Variants in GSE1 observed in about 807,000 individuals in gnomAD.
GSE1 encodes the protein Gse1 coiled-coil protein, also known as genetic suppressor element 1.
In GSE1, 32 loss-of-function variants were observed where a neutral mutation model predicts 112.6. That is an observed-to-expected ratio of 0.28 (90% CI 0.21 to 0.38). The LOEUF (loss-of-function observed/expected upper bound fraction) is 0.38, where lower values mean the gene tolerates loss of function less well. Ranked by LOEUF, GSE1 falls within the 10% of genes least tolerant of loss-of-function variation. The probability of loss-of-function intolerance (pLI) is 1.00; values close to 1 mark genes in which losing one functional copy is unlikely to be tolerated. For synonymous variants in GSE1, 1,115 were observed against 735.6 expected (o/e 1.52, Z -8.35); for missense variants, 2,348 against 1,699.2 (o/e 1.38, Z -6.71).
At chr16:85,446,333 A>G (rs980314060) in intron 2 of GSE1, among the ~76,000 whole-genome samples, 1 of 152,152 alleles carries the variant, frequency 6.6e-6, no homozygotes, top group African/African-American at 2.4e-5. Context: ...GGTAGCTGCA[A>G]TGCTCTCTGC....
chr16:85,428,754 C>T (rs2049050154), intron 2 of GSE1, among the ~76,000 whole-genome samples: 1 of 152,176 alleles, frequency 6.6e-6, no homozygotes, highest in Non-Finnish European at 1.5e-5. Context: ...ACCTCCCACC[C>T]CCCATTCTAG....
chr16:85,257,672 G>A (rs1440179445), intron 1 of GSE1, among the ~76,000 whole-genome samples: 4 of 152,176 alleles, frequency 2.6e-5, no homozygotes, highest in Non-Finnish European at 5.9e-5. Context: ...TTGGCAGGAC[G>A]TGGTGGTGCG....
chr16:85,287,821 G>A (rs527591629), intron 1 of GSE1, among the ~76,000 whole-genome samples: 1 of 152,276 alleles, frequency 6.6e-6, no homozygotes, highest in South Asian at 2.1e-4. Context: ...GAAGCCTAAA[G>A]GAGCCGCAGG....
intron 1 of GSE1, among the ~76,000 whole-genome samples, chr16:85,618,554 C>T (rs772123399): frequency 2.0e-5 from 3 of 152,230 alleles, no homozygotes; most frequent in Non-Finnish European, 4.4e-5. Context: ...ATAGGAATGA[C>T]AATGTCACCT....
chr16:85,267,451 G>T (rs1597236839), intron 1 of GSE1, among the ~76,000 whole-genome samples: 1 of 152,136 alleles, frequency 6.6e-6, no homozygotes, highest in African/African-American at 2.4e-5. Context: ...GGAAAGGAGG[G>T]CAGTGACCGT....
rs572035467 is a variant in GSE1 at position 85,672,793 on chromosome 16, C to T, written c.*254C>T. 71 of 293,898 alleles carry T rather than the reference C, an allele frequency of 2.4e-4. No homozygotes were observed. Among genetic ancestry groups the T allele is most frequent in the African/African-American group, 1.3e-3 (59 of 46,344 alleles). The allele number at this position is 293,898 out of a possible 1,614,324, so 18.2% of individuals were successfully genotyped here. ...AGTTTTTCTTTTTAAAGGTGGTTTT[C>T]GCCCTTCCTCTCCCACATTATTTCT... is the stretch of plus-strand genomic sequence containing the variant. On this transcript the variant is annotated 3_prime_UTR_variant, in exon 16 of 16. Coordinates refer to ENST00000253458, the MANE Select transcript of GSE1 (RefSeq NM_014615.5).
At position 85,278,868 on chromosome 16, in the gene GSE1, C is replaced by T. The variant is rs529557054; in HGVS notation, c.2284-78595C>T. ...TTCCTCATCTCCTCAAAATCCTTCA[C>T]GGAATCCTAATTGCTGTAGAAATCT... On this transcript the variant is annotated intron_variant, in intron 1 of 2. Transcript: ENST00000637419. 5.5e-5 allele frequency: 11 copies of T among 199,720 alleles called. No homozygotes were observed. The South Asian group carries it at 6.1e-4, about 11-fold the overall frequency. 12.4% of individuals were successfully genotyped at this position (199,720 alleles called of 1,614,324 possible).
intron 2 of GSE1, among the ~76,000 whole-genome samples, chr16:85,548,582 C>CT (rs1216456089): frequency 6.6e-6 from 1 of 152,158 alleles, no homozygotes; most frequent in South Asian, 2.1e-4. Flanking sequence ...GGGTTTCATT[C>CT]TTTTTTACGG....
At chr16:85,480,059 C>G (rs560415598) in intron 2 of GSE1, among the ~76,000 whole-genome samples, 1 of 152,272 alleles carries the variant, frequency 6.6e-6, no homozygotes, top group South Asian at 2.1e-4. Context: ...CCTGGCCGGT[C>G]CCCAGCACTT....
intron 1 of GSE1, among the ~76,000 whole-genome samples, chr16:85,296,107 T>C (rs372088262): frequency 1.3e-5 from 2 of 152,202 alleles, no homozygotes; most frequent in East Asian, 1.9e-4. Flanking sequence ...GAAAGCTGTT[T>C]CAAGGCTGAG....
intron 1 of GSE1, among the ~76,000 whole-genome samples, chr16:85,233,441 C>G (rs1439758820): frequency 6.6e-6 from 1 of 152,152 alleles, no homozygotes; most frequent in Non-Finnish European, 1.5e-5. Context: ...TAGAACAGTT[C>G]CAGGGCCCCG....
At chr16:85,562,569 A>C (rs9926867) in intron 1 of GSE1, among the ~76,000 whole-genome samples, 2,694 of 152,314 alleles carry the variant, frequency 0.018, 78 homozygotes, top group African/African-American at 0.06. Context: ...CCTTCTACGC[A>C]GGGGAAAGTG....
rs147182350 is a variant in GSE1 at position 85,526,372 on chromosome 16, G to A, written c.2465-107542G>A. ...CACTGGCCCCCGACCCTCAGGAGCT[G>A]CAGAAGTAGAGTGCGTGCCCCACTG... is the stretch of plus-strand genomic sequence containing the variant. On this transcript the variant is annotated intron_variant, in intron 2 of 2. Coordinates refer to the GSE1 transcript ENST00000637419. Among the ~76,000 whole-genome samples the A allele has an allele frequency of 3.2e-3, 488 of 152,378 alleles. 4 individuals are homozygous for A. Among genetic ancestry groups the A allele is most frequent in the African/African-American group, 0.01 (421 of 41,594 alleles).
chr16:85,501,245 A>G (rs11149755), intron 2 of GSE1, among the ~76,000 whole-genome samples: 91,265 of 151,260 alleles, frequency 0.6, 27,685 homozygotes, highest in East Asian at 0.68. Flanking sequence ...CTCGTGATCC[A>G]CCTGCCTCGG....
intron 2 of GSE1, among the ~76,000 whole-genome samples, chr16:85,511,001 T>C (rs1419062675): frequency 6.6e-6 from 1 of 152,256 alleles, no homozygotes; most frequent in Non-Finnish European, 1.5e-5. Flanking sequence ...TTGCATGCGT[T>C]GCTCTTTAAT....
At chr16:85,552,070 G>A (rs2044942029), upstream of GSE1, among the ~76,000 whole-genome samples, 1 of 151,998 alleles carries the variant, frequency 6.6e-6, no homozygotes, top group South Asian at 2.1e-4. Context: ...CTGTCGCCCA[G>A]GCTGGAGTGC....
chr16:85,632,729 C>G (rs923203870), intron 1 of GSE1, among the ~76,000 whole-genome samples: 3 of 152,068 alleles, frequency 2.0e-5, no homozygotes, highest in African/African-American at 7.2e-5. Context: ...TTGTGTGTTG[C>G]CCCCCGGATC....
At chr16:85,600,988 A>T (rs2047438931) in intron 1 of GSE1, among the ~76,000 whole-genome samples, 1 of 149,294 alleles carries the variant, frequency 6.7e-6, no homozygotes, top group South Asian at 2.1e-4. Context: ...GGAGGAGGGA[A>T]GGTCGGCTTC....
At chr16:85,268,913 AG>A (rs1336241263) in intron 1 of GSE1, among the ~76,000 whole-genome samples, 1 of 149,822 alleles carries the variant, frequency 6.7e-6, no homozygotes. Flanking sequence ...AGGGGGGACC[AG>A]GGGGCTAGGC....
Sources: gnomAD v4.1 joint callset for allele counts (sites outside exome capture counted in the v4.1 genomes callset) on GRCh38, gnomAD v4.1.1 for gene constraint, MANE v1.5 for transcripts, NCBI Gene and HGNC (gene_info 2026-07-23, HGNC 2026-07-21) for gene names.